The following MCPH1 variants were observed in gnomAD, a reference collection of about 807,000 sequenced individuals.
The protein encoded by MCPH1 is microcephalin.
A neutral mutation model predicts 84.5 loss-of-function variants in MCPH1; 104 were observed. The observed-to-expected ratio is 1.23, with a 90% CI of 1.05 to 1.45. The LOEUF (loss-of-function observed/expected upper bound fraction) is 1.45, where lower values mean the gene tolerates loss of function less well. MCPH1 is among the 40% of genes most tolerant of loss of function. The probability of loss-of-function intolerance (pLI) is 0.00; values close to 1 mark genes in which losing one functional copy is unlikely to be tolerated. For missense variants in MCPH1, 1,498 were observed against 1,005.7 expected (o/e 1.49, Z -6.62); for synonymous variants, 514 against 366.8 (o/e 1.40, Z -4.58).
intron 9 of MCPH1, chr8:6,474,398 G>T: frequency 3.5e-6 from 1 of 286,804 alleles, no homozygotes; most frequent in Non-Finnish European, 6.5e-6. Context: ...GGGAGTCTGT[G>T]GGGTCAAAAC....
At chr8:6,598,743 C>G (rs151184287) in intron 12 of MCPH1, among the ~76,000 whole-genome samples, 33 of 152,362 alleles carry the variant, frequency 2.2e-4, no homozygotes, top group South Asian at 4.1e-4. Context: ...GCGGCTCCCC[C>G]CTGCGTGGTG....
At chr8:6,423,630 A>C (rs181047944) in intron 3 of MCPH1, among the ~76,000 whole-genome samples, 1 of 152,154 alleles carries the variant, frequency 6.6e-6, no homozygotes, top group African/African-American at 2.4e-5. Context: ...ATTTTTTTCA[A>C]TTAGAAATAT....
At chr8:6,537,448 T>A (rs1820709463) in intron 12 of MCPH1, among the ~76,000 whole-genome samples, 4 of 152,078 alleles carry the variant, frequency 2.6e-5, no homozygotes, top group Admixed American at 2.0e-4. Context: ...TGCTTAGTGT[T>A]ATTTGATTTG....
chr8:6,648,085 C>G lies in MCPH1; in HGVS notation c.*5036C>G, dbSNP rs1003564813. The G allele has an allele frequency of 3.9e-5, 6 of 152,158 alleles. No homozygotes were observed. Among genetic ancestry groups the G allele is most frequent in the African/African-American group, 1.4e-4 (6 of 41,418 alleles). The allele number at this position is 152,158 out of a possible 1,614,324, so 9.4% of individuals were successfully genotyped here. On this transcript the variant is annotated 3_prime_UTR_variant, in exon 14 of 14. Coordinates refer to ENST00000344683, the MANE Select transcript of MCPH1 (RefSeq NM_024596.5). Reference sequence around the variant, plus strand: ...GTAGTTCATTTAAGGTCGGCCTTGGCTTTCAAGTTAAGGCCATGGTCTTTC... The same window carrying G: ...GTAGTTCATTTAAGGTCGGCCTTGGGTTTCAAGTTAAGGCCATGGTCTTTC...
intron 11 of MCPH1, among the ~76,000 whole-genome samples, chr8:6,499,448 T>C (rs1436134005): frequency 1.3e-5 from 2 of 152,212 alleles, no homozygotes; most frequent in Non-Finnish European, 2.9e-5. Context: ...GAATTTAGGC[T>C]TGTGATCCAT....
intron 11 of MCPH1, among the ~76,000 whole-genome samples, chr8:6,483,216 A>C (rs935026151): frequency 6.6e-6 from 1 of 152,262 alleles, no homozygotes; most frequent in African/African-American, 2.4e-5. Flanking sequence ...TTCATGGATT[A>C]GAAGACATAG....
chr8:6,461,132 G>T (rs748320511), intron 9 of MCPH1, among the ~76,000 whole-genome samples: 30 of 151,928 alleles, frequency 2.0e-4, no homozygotes, highest in Non-Finnish European at 3.1e-4. Flanking sequence ...CATTAATTCA[G>T]TTTCTCTTAA....
chr8:6,452,430 C>A (rs191073388), intron 8 of MCPH1, among the ~76,000 whole-genome samples: 52 of 152,332 alleles, frequency 3.4e-4, no homozygotes, highest in Admixed American at 6.5e-4. Context: ...CGTATTTGAT[C>A]ATTTCGTGAA....
intron 3 of MCPH1, 59 bp downstream of exon 3, chr8:6,414,942 G>A (rs1319468951): frequency 2.5e-6 from 4 of 1,568,948 alleles, no homozygotes; most frequent in Non-Finnish European, 3.5e-6. Flanking sequence ...AATGTGTGGA[G>A]ATATTTTTCA....
chr8:6,642,732 G>T (rs541816116), intron 13 of MCPH1: 19 of 534,746 alleles, frequency 3.6e-5, no homozygotes, highest in African/African-American at 2.7e-4. Flanking sequence ...ACGGGAACGT[G>T]CCCTGCATCT....
At chr8:6,514,533 T>C (rs1453885484) in intron 12 of MCPH1, 16 of 712,484 alleles carry the variant, frequency 2.2e-5, no homozygotes, top group Non-Finnish European at 3.6e-5. Flanking sequence ...GGCCATTCTT[T>C]AAAGGGGAGA....
At position 6,647,293 on chromosome 8, in the gene MCPH1, T is replaced by G. The variant is rs562598786; in HGVS notation, c.*4244T>G. The G allele has an allele frequency of 1.3e-5, 2 of 152,220 alleles. No homozygotes were observed. The highest frequency in any genetic ancestry group is 1.3e-4 in the Admixed American group (2 of 15,284). 9.4% of individuals were successfully genotyped at this position (152,220 alleles called of 1,614,324 possible). On this transcript the variant is annotated 3_prime_UTR_variant, in exon 14 of 14. Transcript: ENST00000344683. ...ATAATTCCAACATCTGACCAAGATATGGAGAAACTAGAACTCTCCTACATT... is the reference window on the plus strand; with the variant it reads ...ATAATTCCAACATCTGACCAAGATAGGGAGAAACTAGAACTCTCCTACATT...
chr8:6,408,589 G>C (rs114438998), intron 1 of MCPH1, among the ~76,000 whole-genome samples: 1 of 152,064 alleles, frequency 6.6e-6, no homozygotes, highest in Non-Finnish European at 1.5e-5. Context: ...CCAGGCTGGA[G>C]TGCAATGGTG....
chr8:6,551,472 G>A (rs1441641542), intron 12 of MCPH1, among the ~76,000 whole-genome samples: 5 of 152,220 alleles, frequency 3.3e-5, no homozygotes, highest in African/African-American at 1.2e-4. Flanking sequence ...CCAGAAGGGA[G>A]CCATGCTGTA....
At chr8:6,638,961 C>T (rs1043802914) in intron 13 of MCPH1, among the ~76,000 whole-genome samples, 5 of 152,204 alleles carry the variant, frequency 3.3e-5, no homozygotes, top group African/African-American at 9.6e-5. Flanking sequence ...CGCACCTCAA[C>T]GCCACTGCTC....
At chr8:6,598,541 A>G (rs1423517992) in intron 12 of MCPH1, among the ~76,000 whole-genome samples, 1 of 152,212 alleles carries the variant, frequency 6.6e-6, no homozygotes, top group Non-Finnish European at 1.5e-5. Flanking sequence ...TGGGAGAGGC[A>G]CACACCAGAA....
intron 12 of MCPH1, chr8:6,527,621 G>T (rs201382058): frequency 6.2e-7 from 1 of 1,613,936 alleles, no homozygotes; most frequent in Non-Finnish European, 8.5e-7. Flanking sequence ...CAATTTGTTT[G>T]TCGAGAGGGA....
Position 6,566,976 on chromosome 8 carries a change from G to A in MCPH1, c.2215-54478G>A, listed in dbSNP as rs1313390136. Among the ~76,000 whole-genome samples, 26 of 138,778 alleles carry A rather than the reference G, an allele frequency of 1.9e-4. 3 individuals are homozygous for A. Among genetic ancestry groups the A allele is most frequent in the Admixed American group, 1.4e-3 (20 of 14,010 alleles). The allele number at this position is 138,778 out of a possible 152,430, so 91.0% of individuals were successfully genotyped here. On this transcript the variant is annotated intron_variant, in intron 12 of 13. Transcript: ENST00000344683. The stretch of plus-strand genomic sequence containing the variant: ...ATCGGCAAGGCCATGGATAGTACAC[G>A]CGGTGCGGTGACGGTGTGTGATCGG...
In MCPH1 at chr8:6,512,164, C is replaced by A. The variant is rs559030660; in HGVS notation, c.2214+12235C>A. ...TTCACTGATGTTTAAAGAGTCACAT[C>A]CATGTATATCTGTTTCTCAAACATG... On this transcript the variant is annotated intron_variant, in intron 12 of 13. Transcript: ENST00000344683. Among the ~76,000 whole-genome samples the A allele has an allele frequency of 4.1e-4, 63 of 152,186 alleles. 1 individual carries two copies. The highest frequency in any genetic ancestry group is 1.5e-3 in the African/African-American group (61 of 41,526).
Sources: allele counts gnomAD v4.1 joint callset (sites outside exome capture counted in the v4.1 genomes callset), GRCh38; gene constraint gnomAD v4.1.1; transcripts MANE v1.5; gene names NCBI Gene and HGNC (gene_info 2026-07-23, HGNC 2026-07-21).